The following RREB1 variants were observed in gnomAD, a reference collection of about 807,000 sequenced individuals.
RREB1 encodes the protein ras-responsive element-binding protein 1.
RREB1 carries 27 observed loss-of-function variants against 117.8 expected under a neutral mutation model. The ratio of observed to expected loss-of-function variants is 0.23; its 90% CI spans 0.17 to 0.32. The LOEUF (loss-of-function observed/expected upper bound fraction) is 0.32. RREB1 is among the 10% of genes least tolerant of loss of function. RREB1 has a pLI of 1.00. For synonymous variants in RREB1, 1,298 were observed against 1,026.7 expected (o/e 1.26, Z -5.05); for missense variants, 2,577 against 2,378.2 (o/e 1.08, Z -1.74).
chr6:7,192,546 T>A (rs954297721), intron 6 of RREB1, among the ~76,000 whole-genome samples: 1 of 152,192 alleles, frequency 6.6e-6, no homozygotes, highest in Non-Finnish European at 1.5e-5. Context: ...TTTCTAGGAA[T>A]TTTGGATATT....
intron 1 of RREB1, among the ~76,000 whole-genome samples, chr6:7,111,957 A>G (rs1048835719): frequency 1.3e-5 from 2 of 152,226 alleles, no homozygotes; most frequent in African/African-American, 2.4e-5. Flanking sequence ...TAGAAATGCA[A>G]TTTAGTATCA....
At chr6:7,155,721 C>A (rs888717658) in intron 1 of RREB1, among the ~76,000 whole-genome samples, 3 of 152,234 alleles carry the variant, frequency 2.0e-5, no homozygotes, top group Non-Finnish European at 4.4e-5. Flanking sequence ...GTGATTTAAT[C>A]TTTTGAATTT....
At chr6:7,224,823 G>A (rs1015671056) in intron 8 of RREB1, among the ~76,000 whole-genome samples, 2 of 152,260 alleles carry the variant, frequency 1.3e-5, no homozygotes, top group African/African-American at 4.8e-5. Context: ...GGTGAGCTCA[G>A]CAGAATTCCC....
At chr6:7,144,626 T>TC (rs1195041372) in intron 1 of RREB1, among the ~76,000 whole-genome samples, 5 of 150,982 alleles carry the variant, frequency 3.3e-5, no homozygotes, top group Non-Finnish European at 5.9e-5. Context: ...TTTTTTTTTT[T>TC]CACAAATTAT....
At chr6:7,246,092 C>T (rs1173249425) in intron 11 of RREB1, among the ~76,000 whole-genome samples, 4 of 152,248 alleles carry the variant, frequency 2.6e-5, no homozygotes, top group Non-Finnish European at 5.9e-5. Context: ...ATGCACCCCT[C>T]TCCTATCTCG....
At chr6:7,162,115 G>C (rs1581472595) in intron 1 of RREB1, among the ~76,000 whole-genome samples, 2 of 152,060 alleles carry the variant, frequency 1.3e-5, no homozygotes, top group East Asian at 1.9e-4. Context: ...GGTGCACTCT[G>C]ATAGCTCCCA....
chr6:7,145,267 TGACCTGGACCTTTCAACTGA>T (rs1388857661), intron 1 of RREB1, among the ~76,000 whole-genome samples: 1 of 152,230 alleles, frequency 6.6e-6, no homozygotes, highest in Non-Finnish European at 1.5e-5. Context: ...TGGTTGGTTT[TGACCTGGACCTTTCAACTGA>T]GCAAAGTCTC....
Position 7,249,019 on chromosome 6 carries a change from A to G in RREB1, c.*51A>G, listed in dbSNP as rs1288740218. ...CAAAAGCCAGCAGAGCAAAGCGTCT[A>G]TACTTCATGGGGTTTCCTCAGTGCC... is the stretch of plus-strand genomic sequence containing the variant. On this transcript the variant is annotated 3_prime_UTR_variant, in exon 13 of 13. Coordinates refer to ENST00000379938, the MANE Select transcript of RREB1 (RefSeq NM_001003699.4). 36 of 1,387,818 alleles carry G rather than the reference A, an allele frequency of 2.6e-5. No homozygotes were observed. The highest frequency in any genetic ancestry group is 2.6e-4 in the Middle Eastern group (1 of 3,834). 86.0% of individuals were successfully genotyped at this position (1,387,818 alleles called of 1,614,324 possible).
At chr6:7,241,259 C>T (rs1245062477) in intron 11 of RREB1, among the ~76,000 whole-genome samples, 1 of 152,148 alleles carries the variant, frequency 6.6e-6, no homozygotes, top group Non-Finnish European at 1.5e-5. Flanking sequence ...TCTTGTGCCA[C>T]CTTGTTTCCC....
rs558964419 is a variant in RREB1, at chr6:7,172,935, C to T, written c.-284-3720C>T. Among the ~76,000 whole-genome samples, 45 of 152,318 alleles carry T rather than the reference C, an allele frequency of 3.0e-4. No homozygotes were observed. In the East Asian group the frequency reaches 7.5e-3, roughly 25 times the overall value. On this transcript the variant is annotated intron_variant, in intron 1 of 12. Transcript: ENST00000379938. ...TGTCCCCAGCCTAGCCAAGACTCAGCCCATCCTTCAAGAGATGCCTTTGCT... is the reference window on the plus strand; with the variant it reads ...TGTCCCCAGCCTAGCCAAGACTCAGTCCATCCTTCAAGAGATGCCTTTGCT...
At chr6:7,207,989 C>T (rs1421622608) in intron 6 of RREB1, among the ~76,000 whole-genome samples, 1 of 152,112 alleles carries the variant, frequency 6.6e-6, no homozygotes, top group Non-Finnish European at 1.5e-5. Flanking sequence ...AATGGTGATG[C>T]CTCCAGTCTG....
At chr6:7,124,063 A>G (rs1024737039) in intron 1 of RREB1, among the ~76,000 whole-genome samples, 1 of 152,202 alleles carries the variant, frequency 6.6e-6, no homozygotes, top group Non-Finnish European at 1.5e-5. Context: ...AAGAGAGTGT[A>G]TGCATGTTTG....
chr6:7,179,961 ATTC>A, intron 2 of RREB1, among the ~76,000 whole-genome samples: 1 of 152,138 alleles, frequency 6.6e-6, no homozygotes, highest in Admixed American at 6.5e-5. Flanking sequence ...GTGAAGCACA[ATTC>A]TTCATAAATT....
chr6:7,144,217 C>CT (rs1383683478), intron 1 of RREB1, among the ~76,000 whole-genome samples: 1 of 151,944 alleles, frequency 6.6e-6, no homozygotes, highest in Non-Finnish European at 1.5e-5. Flanking sequence ...AACTTAAGAT[C>CT]TTAAATGTTC....
At chr6:7,235,459 G>A (rs779020891) in intron 10 of RREB1, among the ~76,000 whole-genome samples, 23 of 152,168 alleles carry the variant, frequency 1.5e-4, no homozygotes, top group Non-Finnish European at 2.2e-4. Flanking sequence ...GGTGTTATTC[G>A]GAGAAGATGT....
At chr6:7,210,248 A>G (rs2113616377) in intron 6 of RREB1, among the ~76,000 whole-genome samples, 1 of 152,344 alleles carries the variant, frequency 6.6e-6, no homozygotes, top group East Asian at 1.9e-4. Flanking sequence ...AATCCACATA[A>G]TACTACGAAC....
intron 6 of RREB1, among the ~76,000 whole-genome samples, chr6:7,208,606 G>C (rs1375699196): frequency 6.6e-6 from 1 of 152,218 alleles, no homozygotes; most frequent in Non-Finnish European, 1.5e-5. Context: ...CTGTCTGTCA[G>C]ACTGCCTTGG....
At chr6:7,247,270 G>A (rs756706530) in intron 12 of RREB1, 49 bp downstream of exon 12, 8 of 1,545,462 alleles carry the variant, frequency 5.2e-6, no homozygotes, top group African/African-American at 2.8e-5. Context: ...AGGCGAGCCG[G>A]GCACCTCTCC....
chr6:7,245,177 C>T (rs569424058), intron 11 of RREB1, among the ~76,000 whole-genome samples: 1 of 152,288 alleles, frequency 6.6e-6, no homozygotes, highest in Non-Finnish European at 1.5e-5. Flanking sequence ...GGGTAGATCG[C>T]CTGAGGTCAG....
Sources: gnomAD v4.1 joint callset for allele counts (sites outside exome capture counted in the v4.1 genomes callset) on GRCh38, gnomAD v4.1.1 for gene constraint, MANE v1.5 for transcripts, NCBI Gene and HGNC (gene_info 2026-07-23, HGNC 2026-07-21) for gene names.